The following HCN1 variants were observed in gnomAD, a reference collection of about 807,000 sequenced individuals.
The protein encoded by HCN1 is potassium/sodium hyperpolarization-activated cyclic nucleotide-gated channel 1.
A neutral mutation model predicts 78.9 loss-of-function variants in HCN1; 13 were observed. The ratio of observed to expected loss-of-function variants is 0.16; its 90% CI spans 0.11 to 0.26. HCN1 has a LOEUF of 0.26. HCN1 is among the 10% of genes least tolerant of loss of function. HCN1 has a pLI of 1.00. For missense variants in HCN1, 810 were observed against 1,154.3 expected (o/e 0.70, Z 4.32); for synonymous variants, 552 against 455.5 (o/e 1.21, Z -2.70).
intron 3 of HCN1, among the ~76,000 whole-genome samples, chr5:45,448,821 T>C (rs1740849979): frequency 6.6e-6 from 1 of 152,094 alleles, no homozygotes. Context: ...AGAAGTATAA[T>C]AAAAATTGTT....
intron 5 of HCN1, among the ~76,000 whole-genome samples, chr5:45,348,089 G>GA (rs1430804623): frequency 2.0e-5 from 3 of 152,214 alleles, no homozygotes; most frequent in African/African-American, 7.2e-5. Context: ...TGAAATGAAG[G>GA]AAAAAATGTT....
chr5:45,639,745 T>C (rs1745418871), intron 2 of HCN1, among the ~76,000 whole-genome samples: 1 of 152,192 alleles, frequency 6.6e-6, no homozygotes, highest in South Asian at 2.1e-4. Context: ...TGACACCGAC[T>C]GCATACAAAA....
chr5:45,595,739 A>T lies in HCN1; in HGVS notation c.849+49446T>A, dbSNP rs1744478316. ...ATTTTTATTTGACTCTATATGAAAC[A>T]ATTAAAAAAAAACCAAACAACCAAA... is the stretch of plus-strand genomic sequence containing the variant. On this transcript the variant is annotated intron_variant, in intron 2 of 7. Transcript: ENST00000303230. 5.3e-5 allele frequency among the ~76,000 whole-genome samples: 8 copies of T among 152,068 alleles called. No individual in the cohort carries two copies. The South Asian group carries it at 1.7e-3, about 32-fold the overall frequency.
intron 4 of HCN1, among the ~76,000 whole-genome samples, chr5:45,386,610 C>T (rs1353623038): frequency 6.6e-6 from 1 of 152,104 alleles, no homozygotes; most frequent in Non-Finnish European, 1.5e-5. Flanking sequence ...TACTAGCAAT[C>T]TGAGCTCCAA....
chr5:45,689,888 C>T (rs1739873938), intron 1 of HCN1, among the ~76,000 whole-genome samples: 1 of 152,070 alleles, frequency 6.6e-6, no homozygotes, highest in Non-Finnish European at 1.5e-5. Flanking sequence ...CTAAAACAGC[C>T]TGTAAATATC....
At chr5:45,283,569 T>C (rs1055682193) in intron 6 of HCN1, among the ~76,000 whole-genome samples, 1 of 152,010 alleles carries the variant, frequency 6.6e-6, no homozygotes, top group African/African-American at 2.4e-5. Context: ...ATTAGAGAAA[T>C]ACAAATCAAA....
intron 6 of HCN1, among the ~76,000 whole-genome samples, chr5:45,291,835 C>A (rs947577293): frequency 2.0e-5 from 3 of 151,884 alleles, no homozygotes; most frequent in Non-Finnish European, 2.9e-5. Flanking sequence ...CAGTGCTGTC[C>A]CTTTTCATTA....
At chr5:45,692,268 T>C (rs1006525638) in intron 1 of HCN1, among the ~76,000 whole-genome samples, 1 of 152,216 alleles carries the variant, frequency 6.6e-6, no homozygotes, top group Non-Finnish European at 1.5e-5. Flanking sequence ...TTGCCAAGCA[T>C]CACTTTTAAA....
intron 4 of HCN1, among the ~76,000 whole-genome samples, chr5:45,372,157 GT>G (rs377393367): frequency 0.27 from 14,892 of 56,068 alleles, 2,547 homozygotes; most frequent in African/African-American, 0.54. Flanking sequence ...TATATAATAT[GT>G]TATTATATAT....
intron 2 of HCN1, among the ~76,000 whole-genome samples, chr5:45,468,585 C>T (rs1579914223): frequency 6.6e-6 from 1 of 152,042 alleles, no homozygotes; most frequent in East Asian, 1.9e-4. Flanking sequence ...TCTATGCATA[C>T]ATATTTTTTG....
chr5:45,343,492 G>A (rs1163769122), intron 5 of HCN1, among the ~76,000 whole-genome samples: 2 of 152,166 alleles, frequency 1.3e-5, no homozygotes, highest in Non-Finnish European at 2.9e-5. Context: ...TATTACTAAA[G>A]TTAATTGATA....
intron 2 of HCN1, among the ~76,000 whole-genome samples, chr5:45,581,603 T>C (rs1744074132): frequency 6.6e-6 from 1 of 152,202 alleles, no homozygotes; most frequent in African/African-American, 2.4e-5. Flanking sequence ...CCCATGCCTA[T>C]GTCCTGAATG....
At chr5:45,663,784 C>T (rs1305648513) in intron 1 of HCN1, among the ~76,000 whole-genome samples, 2 of 151,142 alleles carry the variant, frequency 1.3e-5, no homozygotes, top group Admixed American at 1.3e-4. Context: ...GTTAGAATGG[C>T]AATCATTAAA....
chr5:45,306,465 A>T (rs1745736230), intron 5 of HCN1, among the ~76,000 whole-genome samples: 1 of 152,096 alleles, frequency 6.6e-6, no homozygotes, highest in South Asian at 2.1e-4. Context: ...AAATCTATTA[A>T]TGTTTTCTTC....
intron 3 of HCN1, among the ~76,000 whole-genome samples, chr5:45,415,581 TG>T (rs1467460147): frequency 9.2e-5 from 14 of 152,112 alleles, no homozygotes; most frequent in Non-Finnish European, 1.5e-4. Context: ...GTGTGTTTTC[TG>T]GTCTCCTTTC....
intron 5 of HCN1, 55 bp from the exon 6 acceptor site, chr5:45,303,894 GA>G: frequency 6.8e-7 from 1 of 1,473,124 alleles, no homozygotes; most frequent in Non-Finnish European, 9.5e-7. Context: ...ATATCTGGAA[GA>G]AAAACATGCT....
intron 5 of HCN1, among the ~76,000 whole-genome samples, chr5:45,338,992 G>T (rs542462619): frequency 6.6e-6 from 1 of 152,080 alleles, no homozygotes; most frequent in Admixed American, 6.5e-5. Flanking sequence ...TATTAGAAAA[G>T]CAAAAGCTGA....
chr5:45,340,168 G>C (rs1414781089), intron 5 of HCN1, among the ~76,000 whole-genome samples: 2 of 152,118 alleles, frequency 1.3e-5, no homozygotes, highest in African/African-American at 4.8e-5. Flanking sequence ...CAACCCACCT[G>C]CATCAACCTC....
At chr5:45,375,993 A>G (rs1350932056) in intron 4 of HCN1, among the ~76,000 whole-genome samples, 1 of 117,378 alleles carries the variant, frequency 8.5e-6, no homozygotes, top group Non-Finnish European at 1.6e-5. Flanking sequence ...TATATATGAT[A>G]TAATATTTTA....
Sources: allele counts gnomAD v4.1 joint callset (sites outside exome capture counted in the v4.1 genomes callset), GRCh38; gene constraint gnomAD v4.1.1; transcripts MANE v1.5; gene names NCBI Gene and HGNC (gene_info 2026-07-23, HGNC 2026-07-21).